Variants in ACACA observed in about 807,000 individuals in gnomAD.
ACACA encodes the protein acetyl-CoA carboxylase 1.
Under a neutral mutation model 296.1 loss-of-function variants are expected in ACACA, and 103 were observed. That is an observed-to-expected ratio of 0.35 (90% CI 0.30 to 0.41). The LOEUF is 0.41. Among genes scored for constraint, ACACA ranks in the 10% least tolerant of loss-of-function variants. ACACA has a pLI of 1.00. For synonymous variants in ACACA, 953 were observed against 1,038.6 expected (o/e 0.92, Z 1.58); for missense variants, 1,554 against 2,989.7 (o/e 0.52, Z 11.20).
chr17:37,272,304 C>T (rs1254099996), intron 9 of ACACA, among the ~76,000 whole-genome samples: 9 of 152,096 alleles, frequency 5.9e-5, no homozygotes, highest in African/African-American at 2.2e-4. Context: ...GATGGCATCA[C>T]TGTACTCCAG....
chr17:37,351,671 C>T (rs2048908623), intron 1 of ACACA, among the ~76,000 whole-genome samples: 1 of 152,152 alleles, frequency 6.6e-6, no homozygotes, highest in African/African-American at 2.4e-5. Context: ...GTAATTGACT[C>T]TGGGTTATCT....
chr17:37,354,482 T>A (rs1318679495), intron 1 of ACACA, among the ~76,000 whole-genome samples: 1 of 152,212 alleles, frequency 6.6e-6, no homozygotes, highest in Non-Finnish European at 1.5e-5. Flanking sequence ...GCTAAACTCA[T>A]AAGAATTAAT....
chr17:37,105,846 A>C (rs1457243996), intron 52 of ACACA, among the ~76,000 whole-genome samples: 1 of 147,468 alleles, frequency 6.8e-6, no homozygotes, highest in Non-Finnish European at 1.5e-5. Flanking sequence ...CCTGGGCAAC[A>C]AGAGCGAAAC....
chr17:37,197,952 C>T (rs1215668773), intron 35 of ACACA, among the ~76,000 whole-genome samples: 1 of 152,154 alleles, frequency 6.6e-6, no homozygotes, highest in Non-Finnish European at 1.5e-5. Flanking sequence ...CCACTTGATG[C>T]CACTATAAAT....
At chr17:37,308,052 T>C (rs2083963851) in intron 3 of ACACA, among the ~76,000 whole-genome samples, 1 of 152,196 alleles carries the variant, frequency 6.6e-6, no homozygotes, top group South Asian at 2.1e-4. Flanking sequence ...CAAGTGTTTA[T>C]GAAACTTTAT....
intron 41 of ACACA, among the ~76,000 whole-genome samples, chr17:37,169,953 G>A (rs1416455397): frequency 6.6e-6 from 1 of 152,126 alleles, no homozygotes; most frequent in Admixed American, 6.5e-5. Flanking sequence ...AGACTCAAAC[G>A]GGCAGTGCCA....
chr17:37,091,499 GGA>G (rs2072630304), intron 54 of ACACA, among the ~76,000 whole-genome samples: 2 of 152,136 alleles, frequency 1.3e-5, no homozygotes, highest in African/African-American at 2.4e-5. Flanking sequence ...AACAGACCTG[GGA>G]GAGTTACCAT....
chr17:37,183,256 G>A (rs2077392634), intron 39 of ACACA, among the ~76,000 whole-genome samples: 1 of 152,150 alleles, frequency 6.6e-6, no homozygotes, highest in South Asian at 2.1e-4. Flanking sequence ...CACTGAGGAA[G>A]GGGATTGGAG....
At chr17:37,132,692 T>C (rs577681616) in intron 45 of ACACA, among the ~76,000 whole-genome samples, 7 of 152,144 alleles carry the variant, frequency 4.6e-5, no homozygotes, top group Non-Finnish European at 1.0e-4. Flanking sequence ...TCTTCCTATC[T>C]CTAATACCTG....
intron 47 of ACACA, among the ~76,000 whole-genome samples, chr17:37,128,381 G>T (rs912649558): frequency 6.6e-6 from 1 of 152,022 alleles, no homozygotes; most frequent in African/African-American, 2.4e-5. Context: ...GCTTACAGTG[G>T]GTACCCACAA....
intron 48 of ACACA, among the ~76,000 whole-genome samples, chr17:37,125,058 C>T (rs1460703761): frequency 2.6e-5 from 4 of 152,092 alleles, no homozygotes; most frequent in Admixed American, 6.5e-5. Context: ...CGTTATAGCT[C>T]GTTATAGCAA....
At chr17:37,147,073 G>A (rs1049396131) in intron 45 of ACACA, among the ~76,000 whole-genome samples, 122 of 151,936 alleles carry the variant, frequency 8.0e-4, no homozygotes, top group African/African-American at 2.9e-3. Flanking sequence ...TACAACCTCT[G>A]AACACCCCCA....
At chr17:37,154,486 G>A (rs759292088) in intron 43 of ACACA, among the ~76,000 whole-genome samples, 1 of 151,976 alleles carries the variant, frequency 6.6e-6, no homozygotes, top group African/African-American at 2.4e-5. Context: ...ATAGTATTAG[G>A]ACAATTAACT....
chr17:37,158,808 A>G (rs1438927969), intron 42 of ACACA, among the ~76,000 whole-genome samples: 1 of 151,948 alleles, frequency 6.6e-6, no homozygotes, highest in Non-Finnish European at 1.5e-5. Context: ...TGGGGTTGAG[A>G]ATGGGGAGTC....
At chr17:37,279,920 C>T (rs1206675758) in intron 5 of ACACA, among the ~76,000 whole-genome samples, 3 of 151,894 alleles carry the variant, frequency 2.0e-5, no homozygotes, top group Non-Finnish European at 4.4e-5. Context: ...TTTCAATAGC[C>T]TATATAATTC....
At chr17:37,264,506 T>G (rs532165908) in intron 10 of ACACA, among the ~76,000 whole-genome samples, 10 of 152,178 alleles carry the variant, frequency 6.6e-5, no homozygotes, top group Non-Finnish European at 1.3e-4. Flanking sequence ...TTTTCTCTCT[T>G]TCTGTCTTTT....
intron 1 of ACACA, among the ~76,000 whole-genome samples, chr17:37,364,091 C>G (rs1356127710): frequency 6.6e-6 from 1 of 151,654 alleles, no homozygotes; most frequent in Non-Finnish European, 1.5e-5. Context: ...CCACTGCACT[C>G]TAGCCTGGGT....
intron 5 of ACACA, 62 bp from the exon 6 acceptor site, chr17:37,278,067 C>T: frequency 1.6e-6 from 2 of 1,248,450 alleles, no homozygotes; most frequent in Non-Finnish European, 1.2e-6. Context: ...TATAATTGCA[C>T]AGCAAAACTA....
chr17:37,240,829 G>A (rs1176902120), intron 23 of ACACA, among the ~76,000 whole-genome samples: 1 of 152,152 alleles, frequency 6.6e-6, no homozygotes, highest in African/African-American at 2.4e-5. Flanking sequence ...CTACTGCTAA[G>A]TAGAAATTAT....
Sources: allele counts gnomAD v4.1 joint callset (sites outside exome capture counted in the v4.1 genomes callset), GRCh38; gene constraint gnomAD v4.1.1; transcripts MANE v1.5; gene names NCBI Gene and HGNC (gene_info 2026-07-23, HGNC 2026-07-21).